Variants in BMPER observed in about 807,000 individuals in gnomAD.
BMPER encodes the protein BMP-binding endothelial regulator protein.
A neutral mutation model predicts 87.3 loss-of-function variants in BMPER; 45 were observed. The observed-to-expected ratio is 0.52, with a 90% CI of 0.41 to 0.66. BMPER has a LOEUF of 0.66. Among genes scored for constraint, BMPER ranks in the 30% least tolerant of loss-of-function variants. The pLI is 0.00. For synonymous variants in BMPER, 326 were observed against 316.2 expected (o/e 1.03, Z -0.33); for missense variants, 784 against 867.5 (o/e 0.90, Z 1.21).
intron 13 of BMPER, among the ~76,000 whole-genome samples, chr7:34,137,197 A>T (rs972268073): frequency 3.9e-5 from 6 of 152,170 alleles, no homozygotes; most frequent in South Asian, 4.1e-4. Flanking sequence ...TCATTAAATT[A>T]AAAAAAATTC....
rs117588990 is a variant in BMPER, at chr7:33,974,031, T to C, written c.494-671T>C. On this transcript the variant is annotated intron_variant, in intron 5 of 14. Coordinates refer to ENST00000649409, the MANE Select transcript of BMPER (RefSeq NM_001365308.1). The stretch of plus-strand genomic sequence containing the variant: ...GAGAGCGTGGGGCTGAAAACCCGTA[T>C]GATACCTCCTGTCCTGCCTCTGCCC... 5.6e-3 allele frequency among the ~76,000 whole-genome samples: 846 copies of C among 152,292 alleles called. 1 individual carries two copies. Among genetic ancestry groups the C allele is most frequent in the Non-Finnish European group, 9.9e-3 (670 of 68,018 alleles).
In BMPER at chr7:34,086,033, G is replaced by T. The variant is rs369467205; in HGVS notation, c.1686G>T (p.Lys562Asn). Residue 562 changes from lysine (K) to asparagine (N), a missense_variant, in exon 13 of 15, where the codon AAG becomes AAT. Lys to Asn is a moderately conservative substitution (Grantham distance 94). Coordinates refer to ENST00000649409, the MANE Select transcript of BMPER (RefSeq NM_001365308.1). ...TCCGGGCCCATCGAGAATGCCAAAA[G>T]CTCAAATCCTGGGAGTTTCAGACCT... ...VKLRAHRECQKLKSWEFQTCH... is the reference protein window; with the variant it reads ...VKLRAHRECQNLKSWEFQTCH... The T allele has an allele frequency of 9.9e-6, 16 of 1,613,914 alleles. No homozygotes were observed. In the Admixed American group the frequency reaches 2.7e-4, roughly 27 times the overall value.
chr7:34,134,598 T>C (rs1456028967), intron 13 of BMPER, among the ~76,000 whole-genome samples: 1 of 152,192 alleles, frequency 6.6e-6, no homozygotes, highest in African/African-American at 2.4e-5. Context: ...AACAGGAGTA[T>C]TTCTAAGGGT....
chr7:34,105,787 A>T (rs1789802904), intron 13 of BMPER, among the ~76,000 whole-genome samples: 1 of 152,198 alleles, frequency 6.6e-6, no homozygotes, highest in Middle Eastern at 3.2e-3. Context: ...TTTCAAACTA[A>T]CATGGCCCAT....
intron 6 of BMPER, among the ~76,000 whole-genome samples, chr7:34,018,531 C>T (rs935800255): frequency 1.2e-4 from 19 of 152,076 alleles, no homozygotes; most frequent in African/African-American, 2.4e-4. Context: ...CTGCATGCCT[C>T]GCAAAAGTTG....
chr7:33,970,424 C>A lies in BMPER; in HGVS notation c.493+5C>A, dbSNP rs191957211. 1 of 1,613,106 alleles carries A rather than the reference C, an allele frequency of 6.2e-7. No individual in the cohort carries two copies. Among genetic ancestry groups the A allele is most frequent in the South Asian group, 1.1e-5 (1 of 91,056 alleles). Reference sequence around the variant, plus strand: ...TGTGCTGCCCCACATGTCCAGGTAACGTTCTCAGGAAGGGGAGGCTGGAAA... The same window carrying A: ...TGTGCTGCCCCACATGTCCAGGTAAAGTTCTCAGGAAGGGGAGGCTGGAAA... On this transcript the variant is annotated splice_donor_5th_base_variant and intron_variant, in intron 5 of 14. Coordinates refer to ENST00000649409, the MANE Select transcript of BMPER (RefSeq NM_001365308.1).
upstream of BMPER, chr7:33,905,458 C>T (rs538343641): frequency 1.2e-5 from 6 of 490,622 alleles, no homozygotes; most frequent in East Asian, 3.6e-4. Flanking sequence ...CTCCCTCACA[C>T]CCCCCCGCCC....
chr7:34,002,037 T>C (rs1273455639), intron 6 of BMPER, among the ~76,000 whole-genome samples: 1 of 151,744 alleles, frequency 6.6e-6, no homozygotes, highest in African/African-American at 2.4e-5. Context: ...ATTTTTATTA[T>C]TTAAATTTTT....
chr7:34,118,273 C>T (rs566387680), intron 13 of BMPER, among the ~76,000 whole-genome samples: 4 of 152,270 alleles, frequency 2.6e-5, no homozygotes, highest in Non-Finnish European at 5.9e-5. Flanking sequence ...CCACTGCACT[C>T]CAGCCTGGGC....
At chr7:33,974,373 C>T (rs555145465) in intron 5 of BMPER, among the ~76,000 whole-genome samples, 1 of 152,096 alleles carries the variant, frequency 6.6e-6, no homozygotes, top group African/African-American at 2.4e-5. Flanking sequence ...CTCTGGCCCC[C>T]CTGGGTTTGG....
intron 12 of BMPER, among the ~76,000 whole-genome samples, chr7:34,085,518 T>C (rs1789174712): frequency 6.6e-6 from 1 of 152,152 alleles, no homozygotes; most frequent in South Asian, 2.1e-4. Context: ...CATAGGATGT[T>C]ATCAGGACAA....
rs116402395 is a variant in BMPER at position 33,985,754 on chromosome 7, G to A, written c.576+10970G>A. 7.6e-3 allele frequency among the ~76,000 whole-genome samples: 1,139 copies of A among 150,658 alleles called. 18 individuals carry two copies. The highest frequency in any genetic ancestry group is 0.027 in the African/African-American group (1,090 of 41,074). On this transcript the variant is annotated intron_variant, in intron 6 of 14. Transcript: ENST00000649409. ...GTTTTTTTTTTTCTGTAAATTGTCT[G>A]TGTTTTTATTTCTAATGTTTCTATT...
At chr7:34,028,321 A>T (rs1005520771) in intron 6 of BMPER, among the ~76,000 whole-genome samples, 1 of 152,040 alleles carries the variant, frequency 6.6e-6, no homozygotes, top group Non-Finnish European at 1.5e-5. Context: ...TTTTTCATTA[A>T]ATTGGTTATT....
intron 13 of BMPER, among the ~76,000 whole-genome samples, chr7:34,138,415 G>T (rs982166418): frequency 2.6e-5 from 4 of 152,188 alleles, no homozygotes; most frequent in African/African-American, 9.6e-5. Context: ...AAGGGAGGTA[G>T]TGGATGTGTG....
At chr7:34,123,892 C>A (rs374961299) in intron 13 of BMPER, among the ~76,000 whole-genome samples, 1 of 152,150 alleles carries the variant, frequency 6.6e-6, no homozygotes, top group Non-Finnish European at 1.5e-5. Context: ...GAGACTATAT[C>A]TTTTAATCTG....
chr7:33,962,135 C>T (rs1785287732), intron 3 of BMPER, among the ~76,000 whole-genome samples: 1 of 152,008 alleles, frequency 6.6e-6, no homozygotes, highest in Non-Finnish European at 1.5e-5. Flanking sequence ...GATAATGTGG[C>T]CACTGAAAAA....
intron 13 of BMPER, among the ~76,000 whole-genome samples, chr7:34,130,372 GACC>G (rs1790552296): frequency 1.3e-5 from 2 of 152,146 alleles, no homozygotes; most frequent in Admixed American, 1.3e-4. Flanking sequence ...TTCCTGCTAA[GACC>G]ACCACTGACC....
intron 4 of BMPER, among the ~76,000 whole-genome samples, chr7:33,968,615 T>C (rs1785462008): frequency 6.6e-6 from 1 of 152,160 alleles, no homozygotes; most frequent in African/African-American, 2.4e-5. Context: ...AATAGTACTC[T>C]CTTCAGGGAG....
At chr7:33,952,707 A>G (rs1199527395) in intron 3 of BMPER, among the ~76,000 whole-genome samples, 1 of 152,212 alleles carries the variant, frequency 6.6e-6, no homozygotes, top group African/African-American at 2.4e-5. Context: ...TGAATGGTAA[A>G]TGTTCCCACT....
Sources: gnomAD v4.1 joint callset for allele counts (sites outside exome capture counted in the v4.1 genomes callset) on GRCh38, gnomAD v4.1.1 for gene constraint, MANE v1.5 for transcripts, NCBI Gene and HGNC (gene_info 2026-07-23, HGNC 2026-07-21) for gene names.